BIVM: variants seen among roughly 807,000 people sequenced by gnomAD.
BIVM encodes basic immunoglobulin-like variable motif-containing protein.
Under a neutral mutation model 61.4 loss-of-function variants are expected in BIVM, and 31 were observed. The ratio of observed to expected loss-of-function variants is 0.51; its 90% CI spans 0.38 to 0.68. The LOEUF (loss-of-function observed/expected upper bound fraction) is 0.68, where lower values mean the gene tolerates loss of function less well. Ranked by LOEUF, BIVM falls within the 30% of genes least tolerant of loss-of-function variation. The probability of loss-of-function intolerance (pLI) is 0.00; values close to 1 mark genes in which losing one functional copy is unlikely to be tolerated. For missense variants in BIVM, 526 were observed against 596.0 expected, an observed-to-expected ratio of 0.88 and a Z score of 1.22; for synonymous variants, 189 against 210.7, an observed-to-expected ratio of 0.90 and a Z score of 0.89.
intron 7 of BIVM, among the ~76,000 whole-genome samples, chr13:102,823,113 T>C (rs1256643507): frequency 6.6e-6 from 1 of 152,184 alleles, no homozygotes; most frequent in East Asian, 1.9e-4. Context: ...GTGGGTTCTC[T>C]CTAAACTGAC....
chr13:102,821,701 C>G, intron 5 of BIVM, 42 bp from the exon 6 acceptor site: 1 of 1,586,198 alleles, frequency 6.3e-7, no homozygotes, highest in Non-Finnish European at 8.6e-7. Context: ...TTGCGTATGA[C>G]TGGAATTGAA....
chr13:102,805,751 T>C (rs1879027719), intron 2 of BIVM, among the ~76,000 whole-genome samples: 2 of 152,268 alleles, frequency 1.3e-5, no homozygotes, highest in East Asian at 3.9e-4. Context: ...AATAGAATAA[T>C]ACACTATCTG....
chr13:102,810,424 A>G lies in BIVM; in HGVS notation c.478+2679A>G, dbSNP rs542156915. The stretch of plus-strand genomic sequence containing the variant: ...TGTGAACCCACGTATACAAAAACAT[A>G]TTTTTAAAAAAATGCATTCTGCCAG... On this transcript the variant is annotated intron_variant, in intron 3 of 10. Coordinates refer to ENST00000257336, the MANE Select transcript of BIVM (RefSeq NM_017693.4). Among the ~76,000 whole-genome samples the G allele has an allele frequency of 3.7e-4, 56 of 152,324 alleles. 1 individual carries two copies. Among genetic ancestry groups the G allele is most frequent in the Admixed American group, 2.0e-3 (30 of 15,306 alleles).
chr13:102,839,218 T>C (rs1881679075), intron 10 of BIVM, among the ~76,000 whole-genome samples: 1 of 152,180 alleles, frequency 6.6e-6, no homozygotes, highest in Admixed American at 6.5e-5. Context: ...CAGGAAATGA[T>C]ATCTTATTGA....
In BIVM at chr13:102,834,586, G is replaced by A. The variant is rs746911602; in HGVS notation, c.1121+34G>A. ...ACTTCCCTTTATTTTCTTTAATTGAGGTAACATTTAGATACAGTGAAATGC... is the reference window on the plus strand; with the variant it reads ...ACTTCCCTTTATTTTCTTTAATTGAAGTAACATTTAGATACAGTGAAATGC... On this transcript the variant is annotated intron_variant, in intron 9 of 10. Transcript: ENST00000257336. 3.0e-5 allele frequency: 47 copies of A among 1,549,172 alleles called. No individual in the cohort carries two copies. The African/African-American group carries it at 5.8e-4, about 19-fold the overall frequency.
In BIVM at chr13:102,818,286, A is replaced by G. The variant is rs78804390; in HGVS notation, c.605+1732A>G. Reference sequence around the variant, plus strand: ...AGAAGATCTTGTATTGAAGCTGAAGAGTCAGACTCAACATTCATGCTGTTT... The same window carrying G: ...AGAAGATCTTGTATTGAAGCTGAAGGGTCAGACTCAACATTCATGCTGTTT... On this transcript the variant is annotated intron_variant, in intron 4 of 10. Coordinates refer to ENST00000257336, the MANE Select transcript of BIVM (RefSeq NM_017693.4). Among the ~76,000 whole-genome samples the G allele has an allele frequency of 1.4e-3, 216 of 152,342 alleles. 3 individuals are homozygous for G. The South Asian group carries it at 0.017, about 12-fold the overall frequency.
chr13:102,825,229 A>G (rs112168404), intron 7 of BIVM, among the ~76,000 whole-genome samples: 4 of 151,238 alleles, frequency 2.6e-5, no homozygotes, highest in African/African-American at 4.9e-5. Flanking sequence ...ACAGGTGTGA[A>G]CCACTGTGCC....
chr13:102,804,229 C>A (rs1245798720), intron 1 of BIVM, among the ~76,000 whole-genome samples: 2 of 152,200 alleles, frequency 1.3e-5, no homozygotes, highest in Non-Finnish European at 2.9e-5. Flanking sequence ...CTCAACGCAA[C>A]CTCCACCTTC....
chr13:102,818,447 A>AT (rs1462519226), intron 4 of BIVM, among the ~76,000 whole-genome samples: 2 of 152,254 alleles, frequency 1.3e-5, no homozygotes, highest in African/African-American at 2.4e-5. Context: ...AATAGTTAGT[A>AT]TGTAGGGAAT....
intron 4 of BIVM, among the ~76,000 whole-genome samples, chr13:102,819,070 A>T (rs1570543): frequency 1 from 152,077 of 152,332 alleles, 75,912 homozygotes; most frequent in Middle Eastern, 1. Context: ...TTTATCAGCA[A>T]GGGCCATATA....
At chr13:102,801,613 A>G (rs1878761829) in intron 1 of BIVM, 1 of 152,156 alleles carries the variant, frequency 6.6e-6, no homozygotes, top group South Asian at 2.1e-4. Context: ...ATCAATCAAA[A>G]TGAGGGCCTA....
At chr13:102,838,853 A>G in intron 10 of BIVM, 114 bp downstream of exon 10, 1 of 990,996 alleles carries the variant, frequency 1.0e-6, no homozygotes. Flanking sequence ...TAGAGGAGTG[A>G]AAATTATTTT....
At chr13:102,815,539 A>G (rs1007785298) in intron 3 of BIVM, among the ~76,000 whole-genome samples, 1 of 152,330 alleles carries the variant, frequency 6.6e-6, no homozygotes, top group African/African-American at 2.4e-5. Context: ...TGGATACCCC[A>G]TTCTCCATGA....
chr13:102,816,556 T>C lies in BIVM; in HGVS notation c.605+2T>C. ...GAAAGTATTAGACCTCAGACGATGGTGATGTTATCAGTTTTTATTTTTTTC... is the reference window on the plus strand; with the variant it reads ...GAAAGTATTAGACCTCAGACGATGGCGATGTTATCAGTTTTTATTTTTTTC... On this transcript the variant is annotated splice_donor_variant, in intron 4 of 10. Coordinates refer to ENST00000257336, the MANE Select transcript of BIVM (RefSeq NM_017693.4). LOFTEE classifies it high-confidence loss of function. 1 of 1,532,952 alleles carries C rather than the reference T, an allele frequency of 6.5e-7. No homozygotes were observed. 95.0% of individuals were successfully genotyped at this position (1,532,952 alleles called of 1,614,324 possible).
chr13:102,804,738 G>A (rs1472942968), intron 1 of BIVM, among the ~76,000 whole-genome samples: 2 of 152,194 alleles, frequency 1.3e-5, no homozygotes, highest in African/African-American at 2.4e-5. Flanking sequence ...GGGATTACAG[G>A]CATGAGCCAC....
intron 2 of BIVM, among the ~76,000 whole-genome samples, chr13:102,806,481 C>T (rs1879090865): frequency 1.3e-5 from 2 of 152,038 alleles, no homozygotes; most frequent in South Asian, 4.1e-4. Context: ...AACTCCTGAC[C>T]CCAAGTGATC....
In BIVM at chr13:102,807,522, T is replaced by A. The variant is rs1256771954; in HGVS notation, c.255T>A (p.Thr85=). ...FLNQATSIYK[T]PNPSRSPCLP... The stretch of plus-strand genomic sequence containing the variant: ...ACCAGGCGACCTCAATCTATAAAAC[T>A]CCAAATCCATCCCGCTCTCCTTGCC... The change falls in exon 3 of 11, where the codon ACT becomes ACA. Residue 85 remains threonine (T), a synonymous_variant. Coordinates refer to ENST00000257336, the MANE Select transcript of BIVM (RefSeq NM_017693.4). The surrounding 1 kb of genome is among the most constrained non-coding windows in gnomAD (Gnocchi z 4.0). The A allele has an allele frequency of 1.2e-6, 2 of 1,614,046 alleles. No individual in the cohort carries two copies. Among genetic ancestry groups the A allele is most frequent in the African/African-American group, 2.7e-5 (2 of 74,916 alleles).
At position 102,841,322 on chromosome 13, in the gene BIVM, A is replaced by AT. The variant is rs1881776573; in HGVS notation, c.*1464dup. ...AGATTTTTATTTTTAAAATATTTTC[A>AT]TTTTTTTCTTGAATTTTATATCCGT... On this transcript the variant is annotated 3_prime_UTR_variant, in exon 11 of 11. Transcript: ENST00000257336. 6.6e-6 allele frequency: 1 copy of AT among 152,388 alleles called. No individual in the cohort carries two copies. Among genetic ancestry groups the AT allele is most frequent in the Admixed American group, 6.6e-5 (1 of 15,256 alleles). The allele number at this position is 152,388 out of a possible 1,614,324, so 9.4% of individuals were successfully genotyped here. A position where few individuals can be genotyped will look rare whatever the true frequency, so the allele number is the denominator to read the frequency against.
intron 4 of BIVM, 74 bp from the exon 5 acceptor site, chr13:102,820,963 C>A: frequency 7.2e-7 from 1 of 1,397,600 alleles, no homozygotes; most frequent in Non-Finnish European, 1.0e-6. Flanking sequence ...CCTTTAATTG[C>A]CATGAGTTTT....
Sources: allele counts gnomAD v4.1 joint callset (sites outside exome capture counted in the v4.1 genomes callset), GRCh38; gene constraint gnomAD v4.1.1; non-coding constraint Gnocchi (gnomAD v3.1); transcripts MANE v1.5; gene names NCBI Gene and HGNC (gene_info 2026-07-23, HGNC 2026-07-21).